Variants in SPOCK1 observed in about 807,000 individuals in gnomAD.
SPOCK1 encodes the protein SPARC (osteonectin), cwcv and kazal like domains proteoglycan 1.
SPOCK1 carries 23 observed loss-of-function variants against 55.3 expected under a neutral mutation model. That is an observed-to-expected ratio of 0.42 (90% CI 0.30 to 0.59). The LOEUF (loss-of-function observed/expected upper bound fraction) is 0.59. Ranked by LOEUF, SPOCK1 falls within the 20% of genes least tolerant of loss-of-function variation. SPOCK1 has a pLI of 0.22. For synonymous variants in SPOCK1, 226 were observed against 221.0 expected (o/e 1.02, Z -0.20); for missense variants, 499 against 552.5 (o/e 0.90, Z 0.97).
intron 3 of SPOCK1, among the ~76,000 whole-genome samples, chr5:137,261,866 T>C (rs773455594): frequency 1.3e-5 from 2 of 152,166 alleles, no homozygotes; most frequent in South Asian, 2.1e-4. Context: ...GCCAAATAAA[T>C]TGGGGAGGTT....
At chr5:137,112,182 C>T (rs1451000420) in intron 5 of SPOCK1, among the ~76,000 whole-genome samples, 1 of 152,186 alleles carries the variant, frequency 6.6e-6, no homozygotes, top group Non-Finnish European at 1.5e-5. Context: ...AGATTAACTT[C>T]AGGATCACAT....
At chr5:137,099,632 A>G (rs1200685737) in intron 5 of SPOCK1, among the ~76,000 whole-genome samples, 1 of 151,510 alleles carries the variant, frequency 6.6e-6, no homozygotes, top group Non-Finnish European at 1.5e-5. Context: ...ATATATATGT[A>G]TATGTACATG....
intron 2 of SPOCK1, among the ~76,000 whole-genome samples, chr5:137,283,476 G>A (rs779570207): frequency 6.6e-6 from 1 of 152,206 alleles, no homozygotes; most frequent in Non-Finnish European, 1.5e-5. Context: ...CACTATGGGA[G>A]GCCGAGGTGG....
intron 6 of SPOCK1, among the ~76,000 whole-genome samples, chr5:136,995,882 GATC>G (rs1561574436): frequency 6.6e-6 from 1 of 152,184 alleles, no homozygotes; most frequent in Non-Finnish European, 1.5e-5. Flanking sequence ...GGTCGAGAGA[GATC>G]AGAAACCCGA....
At chr5:137,297,474 T>C (rs1334335736) in intron 2 of SPOCK1, among the ~76,000 whole-genome samples, 1 of 152,214 alleles carries the variant, frequency 6.6e-6, no homozygotes, top group African/African-American at 2.4e-5. Context: ...TACCTCTTAG[T>C]GATAAGAGAC....
At chr5:137,353,591 G>T (rs1750727749) in intron 2 of SPOCK1, among the ~76,000 whole-genome samples, 1 of 152,138 alleles carries the variant, frequency 6.6e-6, no homozygotes, top group Non-Finnish European at 1.5e-5. Context: ...ATCAGTTAAA[G>T]TGGCACCTTC....
chr5:137,459,098 T>C (rs1225908264), intron 2 of SPOCK1, among the ~76,000 whole-genome samples: 2 of 152,206 alleles, frequency 1.3e-5, no homozygotes, highest in Non-Finnish European at 2.9e-5. Context: ...CGAGTGAGTG[T>C]GTTGGTGACT....
intron 2 of SPOCK1, among the ~76,000 whole-genome samples, chr5:137,279,982 C>G (rs906291279): frequency 7.9e-5 from 12 of 152,214 alleles, no homozygotes; most frequent in African/African-American, 2.9e-4. Flanking sequence ...ATCTTTCCCT[C>G]TGAAGGTGAG....
intron 3 of SPOCK1, among the ~76,000 whole-genome samples, chr5:137,160,593 A>T (rs796909855): frequency 0.12 from 8,605 of 70,308 alleles, 800 homozygotes; most frequent in East Asian, 0.23. Context: ...TATAATATAT[A>T]ATATATTATA....
chr5:137,050,346 C>T (rs1291507398), intron 6 of SPOCK1, among the ~76,000 whole-genome samples: 13 of 138,706 alleles, frequency 9.4e-5, no homozygotes, highest in African/African-American at 2.7e-4. Context: ...TCTCGTGGTG[C>T]GCCGTTTTTT....
At chr5:136,984,130 CT>C (rs1030358850) in intron 9 of SPOCK1, among the ~76,000 whole-genome samples, 3 of 152,152 alleles carry the variant, frequency 2.0e-5, no homozygotes, top group Non-Finnish European at 4.4e-5. Context: ...TCTTTATGTC[CT>C]TTTACTCAGC....
intron 3 of SPOCK1, among the ~76,000 whole-genome samples, chr5:137,156,702 A>G (rs1307043547): frequency 6.6e-6 from 1 of 152,330 alleles, no homozygotes; most frequent in Admixed American, 6.5e-5. Context: ...AGGAATCCGT[A>G]CAGCAAAACC....
intron 2 of SPOCK1, among the ~76,000 whole-genome samples, chr5:137,399,328 C>T (rs189069874): frequency 6.6e-6 from 1 of 152,184 alleles, no homozygotes; most frequent in Admixed American, 6.5e-5. Context: ...CAGGGCACAG[C>T]TTCTTCACTA....
At chr5:137,248,940 A>C (rs1382250311) in intron 3 of SPOCK1, among the ~76,000 whole-genome samples, 1 of 152,254 alleles carries the variant, frequency 6.6e-6, no homozygotes, top group Non-Finnish European at 1.5e-5. Flanking sequence ...ATCAAAGATA[A>C]GTTGACTTTT....
chr5:136,982,497 GTCTTTTTTCCATAGGTTTAAAACATAT>G (rs1244152110), intron 9 of SPOCK1, among the ~76,000 whole-genome samples: 6 of 152,094 alleles, frequency 3.9e-5, no homozygotes, highest in African/African-American at 1.4e-4. Context: ...TTTATACCTT[GTCTTTTTTCCATAGGTTTAAAACATAT>G]ATTCTAATAT....
At chr5:137,355,886 T>C (rs116484046) in intron 2 of SPOCK1, among the ~76,000 whole-genome samples, 5,165 of 152,204 alleles carry the variant, frequency 0.034, 162 homozygotes, top group African/African-American at 0.089. Flanking sequence ...GCAGGCCCAG[T>C]GGAGCAGACT....
Position 136,978,330 on chromosome 5 carries a change from T to C in SPOCK1, c.*324A>G. 1 of 339,742 alleles carries C rather than the reference T, an allele frequency of 2.9e-6. No individual in the cohort carries two copies. Among genetic ancestry groups the C allele is most frequent in the Non-Finnish European group, 5.3e-6 (1 of 189,488 alleles). The allele number at this position is 339,742 out of a possible 1,614,324, so 21.0% of individuals were successfully genotyped here. A position where few individuals can be genotyped will look rare whatever the true frequency, so the allele number is the denominator to read the frequency against. On this transcript the variant is annotated 3_prime_UTR_variant, in exon 11 of 11. Coordinates refer to ENST00000394945, the MANE Select transcript of SPOCK1 (RefSeq NM_004598.4). ...CTTTGACATTTAAGAGGGTTGGGGCTCCCTGCACTGTCAGAATTCCACGTA... is the reference window on the plus strand; with the variant it reads ...CTTTGACATTTAAGAGGGTTGGGGCCCCCTGCACTGTCAGAATTCCACGTA...
At chr5:137,420,770 G>C (rs987911552) in intron 2 of SPOCK1, among the ~76,000 whole-genome samples, 20 of 152,144 alleles carry the variant, frequency 1.3e-4, no homozygotes, top group African/African-American at 4.8e-4. Context: ...TTGATTTTTT[G>C]AAGGGTTTTT....
intron 2 of SPOCK1, among the ~76,000 whole-genome samples, chr5:137,328,968 T>C (rs1390977033): frequency 1.3e-4 from 20 of 152,216 alleles, no homozygotes; most frequent in Admixed American, 1.3e-3. Context: ...TGATGGTTAA[T>C]TTTATGTGTC....
Sources: gnomAD v4.1 joint callset for allele counts (sites outside exome capture counted in the v4.1 genomes callset) on GRCh38, gnomAD v4.1.1 for gene constraint, MANE v1.5 for transcripts, NCBI Gene and HGNC (gene_info 2026-07-23, HGNC 2026-07-21) for gene names.